The following RELCH variants were observed in gnomAD, a reference collection of about 807,000 sequenced individuals.
The protein encoded by RELCH is RAB11-binding protein RELCH.
A neutral mutation model predicts 150.3 loss-of-function variants in RELCH; 41 were observed. The observed-to-expected ratio is 0.27, with a 90% CI of 0.21 to 0.35. The LOEUF is 0.35. Ranked by LOEUF, RELCH falls within the 10% of genes least tolerant of loss-of-function variation. The pLI is 1.00. For synonymous variants in RELCH, 478 were observed against 531.8 expected (o/e 0.90, Z 1.39); for missense variants, 1,092 against 1,467.8 (o/e 0.74, Z 4.18).
chr18:62,294,460 G>A (rs932915998), intron 27 of RELCH, among the ~76,000 whole-genome samples: 1 of 152,038 alleles, frequency 6.6e-6, no homozygotes, highest in Admixed American at 6.6e-5. Context: ...GCATCCTTTG[G>A]TATGCTTATT....
At chr18:62,234,597 G>T (rs539803244) in intron 10 of RELCH, among the ~76,000 whole-genome samples, 59 of 151,796 alleles carry the variant, frequency 3.9e-4, no homozygotes, top group African/African-American at 1.3e-3. Flanking sequence ...ATTAAATAAA[G>T]CATTGGAAAC....
At chr18:62,267,068 T>A (rs2043602591) in intron 19 of RELCH, among the ~76,000 whole-genome samples, 1 of 151,916 alleles carries the variant, frequency 6.6e-6, no homozygotes, top group Non-Finnish European at 1.5e-5. Context: ...CTGACAATTA[T>A]AAAATAAGCT....
intron 11 of RELCH, chr18:62,247,537 T>C (rs2042478080): frequency 6.6e-6 from 1 of 150,478 alleles, no homozygotes; most frequent in African/African-American, 2.4e-5. Flanking sequence ...ATGTTTATTA[T>C]AAGCGATTTT....
chr18:62,205,081 A>G (rs1041259098), intron 1 of RELCH, among the ~76,000 whole-genome samples: 4 of 152,216 alleles, frequency 2.6e-5, no homozygotes, highest in Admixed American at 1.3e-4. Context: ...TCATATCAAT[A>G]CATCTTTTCA....
intron 10 of RELCH, among the ~76,000 whole-genome samples, chr18:62,239,124 A>G (rs1259104137): frequency 6.6e-6 from 1 of 152,074 alleles, no homozygotes; most frequent in East Asian, 1.9e-4. Flanking sequence ...CTTTAAACCT[A>G]TGTGATGTTG....
At chr18:62,226,027 T>A (rs576382557) in intron 5 of RELCH, among the ~76,000 whole-genome samples, 1 of 152,118 alleles carries the variant, frequency 6.6e-6, no homozygotes, top group African/African-American at 2.4e-5. Context: ...CCCCCACTTG[T>A]AATACTCATA....
intron 23 of RELCH, chr18:62,280,237 C>T (rs2044435136): frequency 1.4e-6 from 1 of 735,718 alleles, no homozygotes; most frequent in Non-Finnish European, 2.4e-6. Flanking sequence ...ATTTTAATGT[C>T]TCGTGTGGAT....
intron 20 of RELCH, among the ~76,000 whole-genome samples, 170 bp from the exon 21 acceptor site, chr18:62,273,810 T>C (rs923047524): frequency 6.6e-6 from 1 of 152,236 alleles, no homozygotes; most frequent in Non-Finnish European, 1.5e-5. Context: ...TCTGTCTTCA[T>C]ACCATTCTGA....
chr18:62,281,995 T>C (rs2044541291), intron 24 of RELCH, among the ~76,000 whole-genome samples: 1 of 152,226 alleles, frequency 6.6e-6, no homozygotes, highest in African/African-American at 2.4e-5. Flanking sequence ...ATAATTTAGA[T>C]ACAAAATAAT....
intron 1 of RELCH, among the ~76,000 whole-genome samples, chr18:62,201,014 C>T (rs2039404087): frequency 7.4e-6 from 1 of 134,478 alleles, no homozygotes; most frequent in African/African-American, 2.8e-5. Context: ...AGCTCTGTTG[C>T]CCAGGCTGGA....
At chr18:62,220,683 A>G (rs1187267166) in intron 2 of RELCH, among the ~76,000 whole-genome samples, 1 of 151,996 alleles carries the variant, frequency 6.6e-6, no homozygotes, top group African/African-American at 2.4e-5. Context: ...CATCCATTAC[A>G]TTTCTTACCT....
Position 62,263,321 on chromosome 18 carries a change from T to C in RELCH, c.2351-668T>C, listed in dbSNP as rs2043373115. Among the ~76,000 whole-genome samples the C allele has an allele frequency of 2.0e-5, 3 of 152,094 alleles. No individual in the cohort carries two copies. The South Asian group carries it at 6.2e-4, about 31-fold the overall frequency. ...GAGATTAGATAGAACAGTATCATCC[T>C]GAACATATCCTTCTAATACTTATGG... On this transcript the variant is annotated intron_variant, in intron 16 of 28. Transcript: ENST00000644646.
intron 20 of RELCH, among the ~76,000 whole-genome samples, chr18:62,272,336 A>T (rs1259387653): frequency 2.0e-5 from 3 of 152,036 alleles, no homozygotes; most frequent in Non-Finnish European, 4.4e-5. Flanking sequence ...ACCCTCTTGA[A>T]GTTTTGTTAA....
At chr18:62,274,442 C>T (rs896450236) in intron 21 of RELCH, among the ~76,000 whole-genome samples, 1 of 152,208 alleles carries the variant, frequency 6.6e-6, no homozygotes, top group African/African-American at 2.4e-5. Flanking sequence ...CCTGTTTTCA[C>T]TGTTTGATTT....
chr18:62,189,670 C>T (rs971139914), intron 1 of RELCH, among the ~76,000 whole-genome samples: 1 of 152,158 alleles, frequency 6.6e-6, no homozygotes, highest in African/African-American at 2.4e-5. Flanking sequence ...GACCTTTTCA[C>T]CCTGTCTTAT....
At chr18:62,304,670 T>G (rs1006780015) in intron 28 of RELCH, among the ~76,000 whole-genome samples, 1 of 152,198 alleles carries the variant, frequency 6.6e-6, no homozygotes, top group African/African-American at 2.4e-5. Context: ...TACAGGACAG[T>G]TGTCAGGTCA....
At chr18:62,304,528 A>G (rs1379315369) in intron 28 of RELCH, among the ~76,000 whole-genome samples, 2 of 152,244 alleles carry the variant, frequency 1.3e-5, no homozygotes, top group African/African-American at 4.8e-5. Context: ...CAAACACATT[A>G]TCTTACTTAA....
intron 2 of RELCH, among the ~76,000 whole-genome samples, chr18:62,218,858 A>G (rs1164772910): frequency 2.0e-5 from 3 of 151,934 alleles, no homozygotes; most frequent in Admixed American, 6.6e-5. Flanking sequence ...GTTGTTCCGC[A>G]CAATGTCTCT....
intron 2 of RELCH, among the ~76,000 whole-genome samples, chr18:62,212,582 T>C (rs986062679): frequency 6.6e-6 from 1 of 152,248 alleles, no homozygotes; most frequent in African/African-American, 2.4e-5. Context: ...AAATGAGTGC[T>C]AATTCTTATA....
Sources: gnomAD v4.1 joint callset for allele counts (sites outside exome capture counted in the v4.1 genomes callset) on GRCh38, gnomAD v4.1.1 for gene constraint, MANE v1.5 for transcripts, NCBI Gene and HGNC (gene_info 2026-07-23, HGNC 2026-07-21) for gene names.